PTPRG: variants seen among roughly 807,000 people sequenced by gnomAD.
The protein encoded by PTPRG is receptor-type tyrosine-protein phosphatase gamma.
A neutral mutation model predicts 165.3 loss-of-function variants in PTPRG; 102 were observed. That is an observed-to-expected ratio of 0.62 (90% confidence interval 0.53 to 0.73). The LOEUF is 0.73. Ranked by LOEUF, PTPRG falls within the 30% of genes least tolerant of loss-of-function variation. PTPRG has a pLI of 0.00. For missense variants in PTPRG, 1,866 were observed against 1,861.4 expected, an observed-to-expected ratio of 1.00 and a Z score of -0.05; for synonymous variants, 675 against 669.5, an observed-to-expected ratio of 1.01 and a Z score of -0.13.
intron 5 of PTPRG, among the ~76,000 whole-genome samples, chr3:62,089,679 A>G (rs965744989): frequency 1.3e-5 from 2 of 152,176 alleles, no homozygotes; most frequent in African/African-American, 4.8e-5. Context: ...ATAGCTGTGC[A>G]TTCACTCACC....
At chr3:61,738,924 G>A (rs1310037698) in intron 1 of PTPRG, among the ~76,000 whole-genome samples, 1 of 148,720 alleles carries the variant, frequency 6.7e-6, no homozygotes, top group Admixed American at 6.7e-5. Flanking sequence ...ACCTTGCCTG[G>A]CTAATTTTCA....
At chr3:62,064,238 A>G (rs911370600) in intron 4 of PTPRG, among the ~76,000 whole-genome samples, 1 of 152,136 alleles carries the variant, frequency 6.6e-6, no homozygotes, top group African/African-American at 2.4e-5. Flanking sequence ...CCCAGAGAAA[A>G]CTACTGTTAG....
In PTPRG at chr3:61,573,959, C is replaced by T. The variant is rs115394264; in HGVS notation, c.85+11587C>T. The stretch of plus-strand genomic sequence containing the variant: ...GTATCTGTTGCTGAGAACGGGATTC[C>T]ATTCTAATTAGAGGACAAATGTCTA... On this transcript the variant is annotated intron_variant, in intron 1 of 29. Transcript: ENST00000474889. Among the ~76,000 whole-genome samples, 1,082 of 152,040 alleles carry T rather than the reference C, an allele frequency of 7.1e-3. 16 individuals carry two copies. The highest frequency in any genetic ancestry group is 0.025 in the African/African-American group (1,022 of 41,452).
chr3:61,655,052 G>T (rs1421388251), intron 1 of PTPRG, among the ~76,000 whole-genome samples: 1 of 152,050 alleles, frequency 6.6e-6, no homozygotes, highest in Non-Finnish European at 1.5e-5. Flanking sequence ...TTCCCAAAGT[G>T]CTGGGATTAC....
chr3:61,654,198 G>A (rs1424716251), intron 1 of PTPRG, among the ~76,000 whole-genome samples: 1 of 152,086 alleles, frequency 6.6e-6, no homozygotes, highest in Non-Finnish European at 1.5e-5. Context: ...CAAGAGAATG[G>A]GGCTGCTCTT....
chr3:62,018,740 T>C (rs1466368628), intron 4 of PTPRG, among the ~76,000 whole-genome samples: 2 of 152,138 alleles, frequency 1.3e-5, no homozygotes, highest in East Asian at 1.9e-4. Context: ...TCAACTCTGA[T>C]AGGACAAAAT....
At chr3:61,991,774 T>TA (rs2040896833) in intron 3 of PTPRG, among the ~76,000 whole-genome samples, 1 of 152,244 alleles carries the variant, frequency 6.6e-6, no homozygotes. Flanking sequence ...GGCTCTCTGA[T>TA]ACGGTTTTCT....
intron 1 of PTPRG, among the ~76,000 whole-genome samples, chr3:61,737,171 A>T (rs1208155621): frequency 6.6e-6 from 1 of 151,386 alleles, no homozygotes; most frequent in African/African-American, 2.4e-5. Flanking sequence ...TCTCCAAATG[A>T]TGTTTCTTTC....
At chr3:61,838,078 C>A (rs565002533) in intron 2 of PTPRG, among the ~76,000 whole-genome samples, 4 of 152,136 alleles carry the variant, frequency 2.6e-5, no homozygotes, top group Non-Finnish European at 5.9e-5. Flanking sequence ...GCAGGGGAGG[C>A]ACAATTAAGT....
intron 2 of PTPRG, among the ~76,000 whole-genome samples, chr3:61,821,154 A>G (rs773288399): frequency 3.6e-4 from 55 of 150,974 alleles, no homozygotes; most frequent in Middle Eastern, 3.4e-3. Flanking sequence ...ATCAGTTCTC[A>G]TTTGTCTGCT....
intron 5 of PTPRG, among the ~76,000 whole-genome samples, chr3:62,082,170 A>G (rs142785417): frequency 6.6e-6 from 1 of 152,344 alleles, no homozygotes; most frequent in East Asian, 1.9e-4. Flanking sequence ...CCAGATGCTG[A>G]TTTACTTCAT....
chr3:61,825,174 C>G (rs1472609115), intron 2 of PTPRG, among the ~76,000 whole-genome samples: 1 of 152,178 alleles, frequency 6.6e-6, no homozygotes, highest in Non-Finnish European at 1.5e-5. Flanking sequence ...AGAAAGTTTT[C>G]AGGTTATTGG....
chr3:62,089,661 C>T (rs534567118), intron 5 of PTPRG, among the ~76,000 whole-genome samples: 2 of 152,264 alleles, frequency 1.3e-5, no homozygotes, highest in Admixed American at 1.3e-4. Flanking sequence ...CTGTTGGGAG[C>T]TATGAGCATA....
At chr3:62,038,716 C>T (rs546255124) in intron 4 of PTPRG, among the ~76,000 whole-genome samples, 7 of 152,028 alleles carry the variant, frequency 4.6e-5, no homozygotes, top group African/African-American at 9.7e-5. Context: ...TCTTAATGAC[C>T]GCAGTTGTTA....
chr3:61,884,016 T>C (rs925330250), intron 2 of PTPRG, among the ~76,000 whole-genome samples: 1 of 152,242 alleles, frequency 6.6e-6, no homozygotes, highest in African/African-American at 2.4e-5. Context: ...CTTAGTTGTA[T>C]GCTTGTTTTC....
At chr3:61,747,408 A>G (rs939392149) in intron 1 of PTPRG, among the ~76,000 whole-genome samples, 1 of 152,190 alleles carries the variant, frequency 6.6e-6, no homozygotes, top group Non-Finnish European at 1.5e-5. Context: ...CCTACCTTGT[A>G]CTTGAAAAAT....
At chr3:61,805,906 TG>T in intron 2 of PTPRG, among the ~76,000 whole-genome samples, 1 of 152,184 alleles carries the variant, frequency 6.6e-6, no homozygotes, top group Non-Finnish European at 1.5e-5. Flanking sequence ...TTGCAAAATA[TG>T]ACTTGACCTT....
chr3:62,285,007 C>A (rs1041405590), intron 28 of PTPRG, among the ~76,000 whole-genome samples: 3 of 152,066 alleles, frequency 2.0e-5, no homozygotes, highest in Non-Finnish European at 4.4e-5. Context: ...TAATTCATCC[C>A]AGAGGTGCTA....
At chr3:61,747,725 C>T (rs775155000) in intron 1 of PTPRG, among the ~76,000 whole-genome samples, 1 of 151,944 alleles carries the variant, frequency 6.6e-6, no homozygotes, top group African/African-American at 2.4e-5. Flanking sequence ...ATACAGAATG[C>T]GTTGTGTTTT....
Sources: allele counts gnomAD v4.1 joint callset (sites outside exome capture counted in the v4.1 genomes callset), GRCh38; gene constraint gnomAD v4.1.1; transcripts MANE v1.5; gene names NCBI Gene and HGNC (gene_info 2026-07-23, HGNC 2026-07-21).